LRFN5: variants seen among roughly 807,000 people sequenced by gnomAD.
LRFN5 encodes the protein leucine rich repeat and fibronectin type III domain containing 5, also known as leucine-rich repeat and fibronectin type-III domain-containing protein 5.
Under a neutral mutation model 45.6 loss-of-function variants are expected in LRFN5, and 24 were observed. That is an observed-to-expected ratio of 0.53 (90% CI 0.38 to 0.74). LRFN5 has a LOEUF of 0.74. Among genes scored for constraint, LRFN5 ranks in the 30% least tolerant of loss-of-function variants. The pLI is 0.00. For synonymous variants in LRFN5, 340 were observed against 313.8 expected, an observed-to-expected ratio of 1.08 and a Z score of -0.88; for missense variants, 776 against 861.5, an observed-to-expected ratio of 0.90 and a Z score of 1.24.
At chr14:41,717,744 ACT>A (rs1883548494) in intron 1 of LRFN5, among the ~76,000 whole-genome samples, 1 of 152,110 alleles carries the variant, frequency 6.6e-6, no homozygotes, top group East Asian at 1.9e-4. Context: ...ATACTGTATA[ACT>A]CTAGTGAACA....
chr14:41,652,240 A>G (rs1288910780), intron 1 of LRFN5, among the ~76,000 whole-genome samples: 2 of 152,126 alleles, frequency 1.3e-5, no homozygotes, highest in Admixed American at 1.3e-4. Flanking sequence ...ATCTTTCAAC[A>G]TCATATTTTA....
chr14:41,651,867 G>A (rs1277074336), intron 1 of LRFN5, among the ~76,000 whole-genome samples: 1 of 152,120 alleles, frequency 6.6e-6, no homozygotes, highest in Non-Finnish European at 1.5e-5. Context: ...GGCAGGGTTG[G>A]TTTCTTCTGA....
rs534330173 is a variant in LRFN5 at position 41,808,994 on chromosome 14, T to C, written c.-21+41965T>C. On this transcript the variant is annotated intron_variant, in intron 2 of 5. Coordinates refer to ENST00000298119, the MANE Select transcript of LRFN5 (RefSeq NM_152447.5). ...TATTCATCTGGCACTATAAGTACCA[T>C]CAGCTTTAGCAGAAATATGCCTGCT... Among the ~76,000 whole-genome samples the C allele has an allele frequency of 1.3e-4, 20 of 152,210 alleles. 1 individual carries two copies. The highest frequency in any genetic ancestry group is 4.3e-4 in the African/African-American group (18 of 41,572).
intron 2 of LRFN5, among the ~76,000 whole-genome samples, chr14:41,855,515 T>C (rs1192379927): frequency 6.6e-6 from 1 of 152,178 alleles, no homozygotes; most frequent in African/African-American, 2.4e-5. Flanking sequence ...AGGACACTGC[T>C]GTTTTATACA....
intron 1 of LRFN5, among the ~76,000 whole-genome samples, chr14:41,646,486 A>T (rs1879824871): frequency 6.6e-6 from 1 of 152,166 alleles, no homozygotes; most frequent in African/African-American, 2.4e-5. Context: ...ACAAGGGAGA[A>T]GTCTCAGGGA....
chr14:41,615,431 T>C (rs941346308), intron 1 of LRFN5, among the ~76,000 whole-genome samples: 3 of 152,166 alleles, frequency 2.0e-5, no homozygotes, highest in Non-Finnish European at 4.4e-5. Context: ...TGACTAAACA[T>C]ATCTTGGCCC....
chr14:41,730,675 T>C (rs1385226841), intron 1 of LRFN5, among the ~76,000 whole-genome samples: 3 of 152,016 alleles, frequency 2.0e-5, no homozygotes, highest in African/African-American at 7.2e-5. Context: ...CTATTTTACG[T>C]AATGATTTTT....
chr14:41,892,861 A>G (rs1428059783), intron 4 of LRFN5: 1 of 984,914 alleles, frequency 1.0e-6, no homozygotes, highest in East Asian at 1.1e-4. Flanking sequence ...ACATATGAAG[A>G]TGTTTTCATT....
chr14:41,899,958 G>T (rs1197169598), intron 5 of LRFN5, among the ~76,000 whole-genome samples: 3 of 152,096 alleles, frequency 2.0e-5, no homozygotes, highest in Admixed American at 6.6e-5. Flanking sequence ...GAATTGACCT[G>T]CATGAAGGTG....
chr14:41,811,410 T>C (rs1365918699), intron 2 of LRFN5, among the ~76,000 whole-genome samples: 1 of 152,102 alleles, frequency 6.6e-6, no homozygotes. Flanking sequence ...CAGCAATCCT[T>C]GCCTTGGGTA....
chr14:41,902,906 G>T (rs532464178), intron 5 of LRFN5, among the ~76,000 whole-genome samples: 3 of 151,600 alleles, frequency 2.0e-5, no homozygotes, highest in African/African-American at 7.2e-5. Context: ...AAATAAAGAA[G>T]AATTTAGTAA....
intron 2 of LRFN5, among the ~76,000 whole-genome samples, chr14:41,873,522 G>A (rs1293859545): frequency 1.3e-5 from 2 of 151,948 alleles, no homozygotes; most frequent in Non-Finnish European, 2.9e-5. Context: ...TTCTGTAGGA[G>A]TACTGCCGGA....
At chr14:41,849,091 A>G (rs1358965676) in intron 2 of LRFN5, among the ~76,000 whole-genome samples, 1 of 152,026 alleles carries the variant, frequency 6.6e-6, no homozygotes, top group Non-Finnish European at 1.5e-5. Flanking sequence ...TTATGCCCCT[A>G]AAGAGTCAGT....
intron 3 of LRFN5, among the ~76,000 whole-genome samples, chr14:41,888,240 T>C (rs57035834): frequency 0.14 from 21,562 of 151,900 alleles, 1,634 homozygotes; most frequent in East Asian, 0.25. Context: ...CTTACTTTTT[T>C]CCCCCTCATC....
intron 2 of LRFN5, among the ~76,000 whole-genome samples, chr14:41,822,720 C>G (rs1888155042): frequency 6.6e-6 from 1 of 151,902 alleles, no homozygotes; most frequent in Non-Finnish European, 1.5e-5. Context: ...CCTTGACGGT[C>G]TCTCTAGTGC....
At chr14:41,839,925 A>T (rs950941824) in intron 2 of LRFN5, among the ~76,000 whole-genome samples, 1 of 152,106 alleles carries the variant, frequency 6.6e-6, no homozygotes, top group African/African-American at 2.4e-5. Context: ...CAAGACAGGC[A>T]TGCTGTTTGT....
At chr14:41,639,132 T>C (rs1010625599) in intron 1 of LRFN5, among the ~76,000 whole-genome samples, 1 of 152,018 alleles carries the variant, frequency 6.6e-6, no homozygotes, top group African/African-American at 2.4e-5. Context: ...TGAAATTATA[T>C]ATGTATAATA....
chr14:41,783,102 G>A (rs1252501003), intron 2 of LRFN5, among the ~76,000 whole-genome samples: 2 of 151,478 alleles, frequency 1.3e-5, no homozygotes, highest in East Asian at 3.9e-4. Flanking sequence ...GCTTCCTTGT[G>A]GAGAAAAATC....
intron 1 of LRFN5, among the ~76,000 whole-genome samples, chr14:41,725,507 A>G (rs1437564106): frequency 6.6e-6 from 1 of 152,130 alleles, no homozygotes; most frequent in Non-Finnish European, 1.5e-5. Flanking sequence ...AAAACTAGTC[A>G]TCTCTCTGAA....
Sources: allele counts gnomAD v4.1 joint callset (sites outside exome capture counted in the v4.1 genomes callset), GRCh38; gene constraint gnomAD v4.1.1; transcripts MANE v1.5; gene names NCBI Gene and HGNC (gene_info 2026-07-23, HGNC 2026-07-21).